WNT9B: variants seen among roughly 807,000 people sequenced by gnomAD.
WNT9B encodes Wnt family member 9B, also known as protein Wnt-9b.
Under a neutral mutation model 30.2 loss-of-function variants are expected in WNT9B, and 12 were observed. That is an observed-to-expected ratio of 0.40 (90% CI 0.26 to 0.64). WNT9B has a LOEUF of 0.64. WNT9B is among the 30% of genes least tolerant of loss of function. The pLI is 0.42. For synonymous variants in WNT9B, 218 were observed against 216.9 expected (o/e 1.01, Z -0.05); for missense variants, 442 against 485.2 (o/e 0.91, Z 0.84).
At chr17:46,838,320 C>T (rs142720278) in intron 1 of WNT9B, among the ~76,000 whole-genome samples, 1,526 of 145,096 alleles carry the variant, frequency 0.011, 19 homozygotes, top group Non-Finnish European at 0.016. Flanking sequence ...CGGGGCCTGC[C>T]TTAAAAAAAA....
intron 1 of WNT9B, among the ~76,000 whole-genome samples, chr17:46,844,732 G>C (rs752879171): frequency 2.0e-5 from 3 of 152,156 alleles, no homozygotes; most frequent in Non-Finnish European, 4.4e-5. Context: ...AAATCTATAG[G>C]ATGTTATTTA....
At chr17:46,836,483 T>C (rs1487541150) in intron 1 of WNT9B, among the ~76,000 whole-genome samples, 1 of 152,218 alleles carries the variant, frequency 6.6e-6, no homozygotes, top group Non-Finnish European at 1.5e-5. Flanking sequence ...TGTGTTTTTT[T>C]ACACTGATAA....
chr17:46,858,978 C>CCT (rs1244707625), intron 1 of WNT9B, among the ~76,000 whole-genome samples: 5 of 134,236 alleles, frequency 3.7e-5, no homozygotes, highest in African/African-American at 1.4e-4. Flanking sequence ...ATAATTTTAG[C>CCT]TTTTTTTTTT....
At chr17:46,842,390 T>C (rs2084726434) in intron 1 of WNT9B, among the ~76,000 whole-genome samples, 1 of 152,150 alleles carries the variant, frequency 6.6e-6, no homozygotes, top group African/African-American at 2.4e-5. Flanking sequence ...TTGGTTGTTT[T>C]TTCAGACAGG....
At chr17:46,858,494 TA>T (rs1194954009) in intron 1 of WNT9B, among the ~76,000 whole-genome samples, 2 of 152,040 alleles carry the variant, frequency 1.3e-5, no homozygotes. Context: ...TATTTTATTT[TA>T]TTTTTTGGAG....
chr17:46,872,600 A>G lies in WNT9B; in HGVS notation c.161A>G (p.Gln54Arg), dbSNP rs779508447. Reference sequence around the variant, plus strand: ...GCACAGGGCGGGGCCCACCTGAAGCAGTGTGACCTGCTGAAGCTGTCCCGG... The same window carrying G: ...GCACAGGGCGGGGCCCACCTGAAGCGGTGTGACCTGCTGAAGCTGTCCCGG... ...APAQGGAHLK[Q>R]CDLLKLSRRQ... The change falls in exon 2 of 4, where the codon CAG becomes CGG. Residue 54 changes from glutamine to arginine, a missense_variant. Coordinates refer to ENST00000290015, the MANE Select transcript of WNT9B (RefSeq NM_003396.3). The G allele has an allele frequency of 1.9e-6, 3 of 1,612,410 alleles. No homozygotes were observed. In the African/African-American group the frequency reaches 4.0e-5, roughly 22 times the overall value.
At position 46,877,171 on chromosome 17, in the gene WNT9B, C is replaced by A; in HGVS notation, c.*453C>A. 1 of 809,472 alleles carries A rather than the reference C, an allele frequency of 1.2e-6. No homozygotes were observed. Among genetic ancestry groups the A allele is most frequent in the Non-Finnish European group, 1.5e-6 (1 of 669,342 alleles). 50.1% of individuals were successfully genotyped at this position (809,472 alleles called of 1,614,324 possible). On this transcript the variant is annotated 3_prime_UTR_variant, in exon 4 of 4. Coordinates refer to ENST00000290015, the MANE Select transcript of WNT9B (RefSeq NM_003396.3). Reference sequence around the variant, plus strand: ...GCTGGAAGTGAAGGCGGGAGCCTGGCTGAGATGGGTCAATCGGGTCCTGTG... The same window carrying A: ...GCTGGAAGTGAAGGCGGGAGCCTGGATGAGATGGGTCAATCGGGTCCTGTG...
intron 1 of WNT9B, among the ~76,000 whole-genome samples, chr17:46,844,809 C>CCCTTCCTT (rs61466292): frequency 8.6e-5 from 13 of 150,732 alleles, no homozygotes; most frequent in Middle Eastern, 3.4e-3. Context: ...CTCCCTCCTT[C>CCCTTCCTT]CCTTCCTTCC....
At chr17:46,837,187 C>T (rs897275073) in intron 1 of WNT9B, among the ~76,000 whole-genome samples, 2 of 152,116 alleles carry the variant, frequency 1.3e-5, no homozygotes, top group East Asian at 1.9e-4. Flanking sequence ...GTGATCTGCC[C>T]GCCGCGGCCC....
chr17:46,855,698 C>G (rs2084926744), intron 1 of WNT9B, among the ~76,000 whole-genome samples: 1 of 152,158 alleles, frequency 6.6e-6, no homozygotes, highest in Non-Finnish European at 1.5e-5. Context: ...CCAATCCAGT[C>G]TATTTATTTA....
intron 1 of WNT9B, among the ~76,000 whole-genome samples, chr17:46,844,165 G>A (rs2084746799): frequency 6.6e-6 from 1 of 151,922 alleles, no homozygotes; most frequent in South Asian, 2.1e-4. Flanking sequence ...CTGTGTTGCT[G>A]AGGCTGGTCT....
At chr17:46,871,293 A>T (rs1415646889) in intron 1 of WNT9B, among the ~76,000 whole-genome samples, 4 of 152,128 alleles carry the variant, frequency 2.6e-5, no homozygotes, top group Non-Finnish European at 5.9e-5. Flanking sequence ...AATGATGTAT[A>T]TTCCACCCAC....
chr17:46,837,653 G>A (rs2084649351), intron 1 of WNT9B, among the ~76,000 whole-genome samples: 1 of 152,228 alleles, frequency 6.6e-6, no homozygotes, highest in African/African-American at 2.4e-5. Context: ...CCAAAGGACT[G>A]AGGCTGGGAA....
chr17:46,868,168 C>T (rs1568127202), intron 1 of WNT9B, among the ~76,000 whole-genome samples: 1 of 152,158 alleles, frequency 6.6e-6, no homozygotes, highest in Non-Finnish European at 1.5e-5. Flanking sequence ...CAGGCAGTAG[C>T]CCCCAGCCCA....
chr17:46,860,210 G>A (rs1390571584), intron 1 of WNT9B, among the ~76,000 whole-genome samples: 1 of 152,168 alleles, frequency 6.6e-6, no homozygotes, highest in Non-Finnish European at 1.5e-5. Flanking sequence ...GGATGATGGT[G>A]GACTTTCTGT....
chr17:46,876,740 T>C lies in WNT9B; in HGVS notation c.*22T>C. The C allele has an allele frequency of 2.0e-6, 3 of 1,520,326 alleles. No individual in the cohort carries two copies. Among genetic ancestry groups the C allele is most frequent in the Non-Finnish European group, 2.7e-6 (3 of 1,130,722 alleles). 94.2% of individuals were successfully genotyped at this position (1,520,326 alleles called of 1,614,324 possible). A position where few individuals can be genotyped will look rare whatever the true frequency, so the allele number is the denominator to read the frequency against. On this transcript the variant is annotated 3_prime_UTR_variant, in exon 4 of 4. Transcript: ENST00000290015. Reference sequence around the variant, plus strand: ...CTAGGCCTACTGCCCAGCAAGCCAGTCTGGCACTGCCAGGACCTCCTGTGG... The same window carrying C: ...CTAGGCCTACTGCCCAGCAAGCCAGCCTGGCACTGCCAGGACCTCCTGTGG...
At chr17:46,881,793 A>G (rs2085426300), downstream of WNT9B, among the ~76,000 whole-genome samples, 1 of 152,218 alleles carries the variant, frequency 6.6e-6, no homozygotes, top group Non-Finnish European at 1.5e-5. Flanking sequence ...TGCATTTGCA[A>G]TATCTATCTT....
At chr17:46,846,360 C>T (rs932799851) in intron 1 of WNT9B, among the ~76,000 whole-genome samples, 1 of 152,228 alleles carries the variant, frequency 6.6e-6, no homozygotes, top group Non-Finnish European at 1.5e-5. Context: ...TGGGCTGAAA[C>T]TCAGTACCAC....
At position 46,835,086 on chromosome 17, in the gene WNT9B, C is replaced by T. The variant is rs1448734932; in HGVS notation, c.95+1646C>T. ...CAGTGCTCACTGTAGCCTCCATCTC[C>T]TGGGGTCAAGTGATCCTCCCACCTC... On this transcript the variant is annotated intron_variant, in intron 1 of 2. Transcript: ENST00000575372. 3.9e-5 allele frequency among the ~76,000 whole-genome samples: 6 copies of T among 152,344 alleles called. No individual in the cohort carries two copies. In the East Asian group the frequency reaches 1.2e-3, roughly 29 times the overall value.
Sources: gnomAD v4.1 joint callset for allele counts (sites outside exome capture counted in the v4.1 genomes callset) on GRCh38, gnomAD v4.1.1 for gene constraint, MANE v1.5 for transcripts, NCBI Gene and HGNC (gene_info 2026-07-23, HGNC 2026-07-21) for gene names.